The following NLGN1 variants were observed in gnomAD, a reference collection of about 807,000 sequenced individuals.
The protein encoded by NLGN1 is neuroligin 1.
NLGN1 carries 12 observed loss-of-function variants against 65.5 expected under a neutral mutation model. That is an observed-to-expected ratio of 0.18 (90% CI 0.12 to 0.30). The LOEUF is 0.30. NLGN1 is among the 10% of genes least tolerant of loss of function. The probability of loss-of-function intolerance (pLI) is 1.00; values close to 1 mark genes in which losing one functional copy is unlikely to be tolerated. For missense variants in NLGN1, 750 were observed against 1,007.1 expected (o/e 0.74, Z 3.46); for synonymous variants, 350 against 359.5 (o/e 0.97, Z 0.30).
chr3:173,617,024 TC>T (rs1442654594), intron 3 of NLGN1, among the ~76,000 whole-genome samples: 2 of 152,170 alleles, frequency 1.3e-5, no homozygotes, highest in Non-Finnish European at 2.9e-5. Context: ...TTGTTGATAT[TC>T]TTTTTGTTCC....
intron 4 of NLGN1, among the ~76,000 whole-genome samples, chr3:174,011,791 T>C (rs988144552): frequency 6.6e-6 from 1 of 152,192 alleles, no homozygotes; most frequent in African/African-American, 2.4e-5. Context: ...ATTCATATTG[T>C]TCCAGACACT....
chr3:173,782,901 T>G (rs1042491463), intron 3 of NLGN1, among the ~76,000 whole-genome samples: 1 of 151,954 alleles, frequency 6.6e-6, no homozygotes, highest in Non-Finnish European at 1.5e-5. Flanking sequence ...ATATATATAC[T>G]AATACATGTA....
intron 2 of NLGN1, among the ~76,000 whole-genome samples, chr3:173,535,002 C>T (rs1737199779): frequency 6.6e-6 from 1 of 152,172 alleles, no homozygotes; most frequent in African/African-American, 2.4e-5. Context: ...GCACTAATAA[C>T]TTACAGAGAA....
chr3:173,683,423 G>T (rs756836275), intron 3 of NLGN1, among the ~76,000 whole-genome samples: 1 of 152,106 alleles, frequency 6.6e-6, no homozygotes, highest in Non-Finnish European at 1.5e-5. Flanking sequence ...GCTCTCCTCA[G>T]CCTGTCACTA....
At chr3:173,668,597 A>G (rs1762032759) in intron 3 of NLGN1, among the ~76,000 whole-genome samples, 1 of 148,634 alleles carries the variant, frequency 6.7e-6, no homozygotes, top group Non-Finnish European at 1.5e-5. Flanking sequence ...ACTAAGTCTT[A>G]GTTTCTTTTT....
At chr3:173,946,929 A>G (rs1747281079) in intron 4 of NLGN1, among the ~76,000 whole-genome samples, 1 of 152,174 alleles carries the variant, frequency 6.6e-6, no homozygotes, top group Non-Finnish European at 1.5e-5. Context: ...GGCATCAGAA[A>G]ACCTGGTCCT....
At chr3:173,558,652 A>C (rs969120554) in intron 2 of NLGN1, among the ~76,000 whole-genome samples, 1 of 152,116 alleles carries the variant, frequency 6.6e-6, no homozygotes, top group Non-Finnish European at 1.5e-5. Context: ...TTTGAAACAG[A>C]AAATCTCTTC....
intron 2 of NLGN1, 92 bp from the exon 2 acceptor site, chr3:173,604,187 A>G: frequency 6.2e-6 from 1 of 161,914 alleles, no homozygotes; most frequent in Non-Finnish European, 1.3e-5. Flanking sequence ...GCTAGTCATT[A>G]TTAATGTATT....
At chr3:173,445,970 C>T (rs968803079) in intron 2 of NLGN1, among the ~76,000 whole-genome samples, 10 of 152,134 alleles carry the variant, frequency 6.6e-5, no homozygotes, top group Admixed American at 5.2e-4. Context: ...TTACTGTGAG[C>T]AGATTACCCC....
chr3:174,265,255 A>G (rs1406061990), intron 4 of NLGN1, among the ~76,000 whole-genome samples: 9 of 151,550 alleles, frequency 5.9e-5, no homozygotes, highest in Non-Finnish European at 1.0e-4. Context: ...AAGCCTGGGC[A>G]ATGGCGGGCG....
intron 4 of NLGN1, among the ~76,000 whole-genome samples, chr3:174,270,471 A>T (rs555193116): frequency 6.6e-6 from 1 of 151,922 alleles, no homozygotes; most frequent in South Asian, 2.1e-4. Flanking sequence ...AATTGTGAGG[A>T]TTTAAATACA....
intron 4 of NLGN1, among the ~76,000 whole-genome samples, chr3:173,814,879 T>C (rs943845550): frequency 6.6e-6 from 1 of 152,200 alleles, no homozygotes. Context: ...CAATTACCTA[T>C]ATAAATTCTA....
At chr3:173,495,093 T>C (rs1729782937) in intron 2 of NLGN1, among the ~76,000 whole-genome samples, 1 of 151,856 alleles carries the variant, frequency 6.6e-6, no homozygotes, top group South Asian at 2.1e-4. Context: ...AATTTGAGGA[T>C]CATTACTATA....
intron 4 of NLGN1, among the ~76,000 whole-genome samples, chr3:174,092,175 G>T (rs1744645432): frequency 6.6e-6 from 1 of 152,210 alleles, no homozygotes; most frequent in African/African-American, 2.4e-5. Context: ...ACCAGAAACA[G>T]ATGACTCTTC....
At chr3:173,578,627 A>G (rs1384084222) in intron 2 of NLGN1, among the ~76,000 whole-genome samples, 1 of 152,238 alleles carries the variant, frequency 6.6e-6, no homozygotes, top group African/African-American at 2.4e-5. Flanking sequence ...GCATTAATAG[A>G]TGATATTTAA....
At chr3:174,259,544 A>C (rs1746450821) in intron 4 of NLGN1, among the ~76,000 whole-genome samples, 1 of 152,156 alleles carries the variant, frequency 6.6e-6, no homozygotes, top group African/African-American at 2.4e-5. Context: ...AAATCAAGAC[A>C]CAATGTCCTC....
chr3:173,656,527 G>A (rs1342907494), intron 3 of NLGN1, among the ~76,000 whole-genome samples: 3 of 149,340 alleles, frequency 2.0e-5, no homozygotes, highest in Non-Finnish European at 4.5e-5. Context: ...GTTTGGTTTT[G>A]GATTATTTTA....
Position 173,643,688 on chromosome 3 carries a change from T to A in NLGN1, c.493+38597T>A, listed in dbSNP as rs1757761949. On this transcript the variant is annotated intron_variant, in intron 3 of 6. Coordinates refer to ENST00000457714, the Ensembl canonical transcript of NLGN1. ...TTTGGGCATACTGGGGAAAAAATAA[T>A]CCTAGTGACCTCTTTATGTTTGCAA... is the stretch of plus-strand genomic sequence containing the variant. Among the ~76,000 whole-genome samples the A allele has an allele frequency of 2.0e-5, 3 of 152,108 alleles. No homozygotes were observed. In the South Asian group the frequency reaches 6.2e-4, roughly 32 times the overall value.
At chr3:173,448,768 A>C (rs1316479580) in intron 2 of NLGN1, among the ~76,000 whole-genome samples, 1 of 152,006 alleles carries the variant, frequency 6.6e-6, no homozygotes, top group Admixed American at 6.5e-5. Context: ...CAGAGATTCA[A>C]CTTCTTCCTG....
Sources: allele counts gnomAD v4.1 joint callset (sites outside exome capture counted in the v4.1 genomes callset), GRCh38; gene constraint gnomAD v4.1.1; transcripts MANE v1.5; gene names NCBI Gene and HGNC (gene_info 2026-07-23, HGNC 2026-07-21).